CTPS1: variants seen among roughly 807,000 people sequenced by gnomAD.
CTPS1 encodes CTP synthase 1.
CTPS1 carries 25 observed loss-of-function variants against 80.5 expected under a neutral mutation model. The ratio of observed to expected loss-of-function variants is 0.31; its 90% CI spans 0.23 to 0.43. The LOEUF (loss-of-function observed/expected upper bound fraction) is 0.43, where lower values mean the gene tolerates loss of function less well. Ranked by LOEUF, CTPS1 falls within the 20% of genes least tolerant of loss-of-function variation. The pLI, the probability that CTPS1 is intolerant of heterozygous loss-of-function variation, is 1.00. For synonymous variants in CTPS1, 267 were observed against 252.5 expected (o/e 1.06, Z -0.54); for missense variants, 442 against 725.7 (o/e 0.61, Z 4.49).
intron 10 of CTPS1, 139 bp downstream of exon 10, chr1:41,001,256 T>A: frequency 1.7e-6 from 1 of 588,026 alleles, no homozygotes; most frequent in Non-Finnish European, 2.9e-6. Flanking sequence ...CTACATGCCA[T>A]CTGATTTAAT....
chr1:41,006,021 A>G, intron 12 of CTPS1, 30 bp from the exon 13 acceptor site: 3 of 1,580,850 alleles, frequency 1.9e-6, no homozygotes, highest in Non-Finnish European at 2.6e-6. Flanking sequence ...GTTTGTAACT[A>G]TTTTCATAAC....
intron 7 of CTPS1, among the ~76,000 whole-genome samples, chr1:40,993,531 CTTGCTATGG>C (rs1250457696): frequency 6.6e-6 from 1 of 151,916 alleles, no homozygotes; most frequent in East Asian, 1.9e-4. Flanking sequence ...GAGATGAGGT[CTTGCTATGG>C]TTGCCCAGGC....
intron 11 of CTPS1, 66 bp downstream of exon 11, chr1:41,002,320 G>C: frequency 7.6e-7 from 1 of 1,313,952 alleles, no homozygotes; most frequent in East Asian, 2.3e-5. Flanking sequence ...TGCCACGTGG[G>C]AGCCTATGAA....
At chr1:40,989,159 G>A (rs187907889) in intron 5 of CTPS1, among the ~76,000 whole-genome samples, 2 of 152,350 alleles carry the variant, frequency 1.3e-5, no homozygotes, top group East Asian at 3.9e-4. Flanking sequence ...AAGCTCAGGA[G>A]TGGGATGAGG....
chr1:41,007,525 A>G lies in CTPS1; in HGVS notation c.1373A>G (p.Gln458Arg). The change falls in exon 14 of 19, where the codon CAG (glutamine) becomes CGG (arginine). Residue 458 changes from glutamine to arginine, a missense_variant. Coordinates refer to ENST00000650070, the MANE Select transcript of CTPS1 (RefSeq NM_001905.4). This position sits in a 1 kb window ranked among gnomAD's most constrained non-coding sequence, Gnocchi z 4.4. ...CTGGGCAAGAGGAGAACCCTGTTCCAGACCAAGAACTCAGTCATGAGTAAG... is the reference window on the plus strand; with the variant it reads ...CTGGGCAAGAGGAGAACCCTGTTCCGGACCAAGAACTCAGTCATGAGTAAG... ...MRLGKRRTLF[Q>R]TKNSVMRKLY... The G allele has an allele frequency of 2.5e-6, 4 of 1,614,154 alleles. No homozygotes were observed. The highest frequency in any genetic ancestry group is 3.4e-6 in the Non-Finnish European group (4 of 1,180,028).
rs1643076917 is a variant in CTPS1 at position 41,007,984 on chromosome 1, A to G, written c.1393+439A>G. The stretch of plus-strand genomic sequence containing the variant: ...GGGTAGTTTTCGGAGGAAAATAGTT[A>G]AGAAAATGACTATTACACAGATTTC... On this transcript the variant is annotated intron_variant, in intron 14 of 18. Transcript: ENST00000650070. The surrounding 1 kb of genome is among the most constrained non-coding windows in gnomAD (Gnocchi z 4.4). Among the ~76,000 whole-genome samples the G allele has an allele frequency of 6.6e-6, 1 of 152,230 alleles. No individual in the cohort carries two copies.
In CTPS1 at chr1:40,991,749, T is replaced by C. The variant is rs763344393; in HGVS notation, c.640-16T>C. 1 of 1,599,232 alleles carries C rather than the reference T, an allele frequency of 6.3e-7. No individual in the cohort carries two copies. The highest frequency in any genetic ancestry group is 8.6e-7 in the Non-Finnish European group (1 of 1,166,560). ...TTTTTTCCTTCTGTCTAAGCCATCT[T>C]GTTCTCTACTGCTAGGTTGTATGCA... On this transcript the variant is annotated splice_polypyrimidine_tract_variant and intron_variant, in intron 6 of 18. Transcript: ENST00000650070.
At chr1:41,005,403 T>C (rs571297380) in intron 12 of CTPS1, among the ~76,000 whole-genome samples, 53 of 152,024 alleles carry the variant, frequency 3.5e-4, no homozygotes, top group South Asian at 4.2e-4. Flanking sequence ...GATCACGCCA[T>C]TGCACTCCAG....
chr1:40,996,164 C>T, intron 8 of CTPS1, 96 bp downstream of exon 8: 1 of 1,340,930 alleles, frequency 7.5e-7, no homozygotes. Context: ...TGTACTTTTG[C>T]ACTTCTGCCA....
At chr1:41,001,342 T>C (rs949857669) in intron 10 of CTPS1, among the ~76,000 whole-genome samples, 2 of 152,242 alleles carry the variant, frequency 1.3e-5, no homozygotes, top group African/African-American at 4.8e-5. Context: ...GCCATATGCA[T>C]CTATTGATGA....
At chr1:40,994,441 C>A (rs1642702458) in intron 7 of CTPS1, among the ~76,000 whole-genome samples, 1 of 152,148 alleles carries the variant, frequency 6.6e-6, no homozygotes, top group Non-Finnish European at 1.5e-5. Flanking sequence ...TATAGCTATT[C>A]ATAATTTTTA....
intron 12 of CTPS1, among the ~76,000 whole-genome samples, chr1:41,004,861 G>A (rs1642994098): frequency 6.6e-6 from 1 of 152,220 alleles, no homozygotes; most frequent in African/African-American, 2.4e-5. Context: ...GGGCATGGTG[G>A]TTCAGGCCTG....
In CTPS1 at chr1:41,007,511, G is replaced by T; in HGVS notation, c.1359G>T (p.Arg453Ser). ...GCGGAACCATGAGGCTGGGCAAGAG[G>T]AGAACCCTGTTCCAGACCAAGAACT... Reference protein sequence around the residue: ...QMGGTMRLGKRRTLFQTKNSV... With the variant: ...QMGGTMRLGKSRTLFQTKNSV... Residue 453 changes from arginine to serine, a missense_variant, in exon 14 of 19, where the codon AGG (arginine) becomes AGT (serine). Around this residue, in one of 4 missense-constraint regions of CTPS1, gnomAD observed 321 missense variants for 467.2 expected, o/e 0.69. Coordinates refer to ENST00000650070, the MANE Select transcript of CTPS1 (RefSeq NM_001905.4). This position sits in a 1 kb window ranked among gnomAD's most constrained non-coding sequence, Gnocchi z 4.4. 1 of 1,614,134 alleles carries T rather than the reference G, an allele frequency of 6.2e-7. No homozygotes were observed. Among genetic ancestry groups the T allele is most frequent in the East Asian group, 2.2e-5 (1 of 44,884 alleles).
At chr1:40,993,394 G>A (rs1642666995) in intron 7 of CTPS1, among the ~76,000 whole-genome samples, 1 of 151,926 alleles carries the variant, frequency 6.6e-6, no homozygotes, top group Admixed American at 6.6e-5. Flanking sequence ...GTGTCACCCT[G>A]ACTAGAGTGC....
rs1289940885 is a variant in CTPS1, at chr1:41,007,351, G to A, written c.1297-98G>A. 2.1e-6 allele frequency: 2 copies of A among 953,274 alleles called. No homozygotes were observed. Among genetic ancestry groups the A allele is most frequent in the Admixed American group, 4.2e-5 (2 of 47,918 alleles). The allele number at this position is 953,274 out of a possible 1,614,324, so 59.1% of individuals were successfully genotyped here. A position where few individuals can be genotyped will look rare whatever the true frequency, so the allele number is the denominator to read the frequency against. On this transcript the variant is annotated intron_variant, in intron 13 of 18. Transcript: ENST00000650070. This position sits in a 1 kb window ranked among gnomAD's most constrained non-coding sequence, Gnocchi z 4.4. ...CATAAGGAAAGCCTGGAGAATTAGAGCTTACTTACAAGCCTTTGCCACCCA... is the reference window on the plus strand; with the variant it reads ...CATAAGGAAAGCCTGGAGAATTAGAACTTACTTACAAGCCTTTGCCACCCA...
At chr1:40,986,338 G>A (rs886986616) in intron 3 of CTPS1, among the ~76,000 whole-genome samples, 1 of 152,204 alleles carries the variant, frequency 6.6e-6, no homozygotes, top group Non-Finnish European at 1.5e-5. Flanking sequence ...TGGTTGGTCC[G>A]GGAATGGAGG....
intron 1 of CTPS1, chr1:40,980,383 G>T (rs1431254671): frequency 6.6e-6 from 1 of 152,274 alleles, no homozygotes; most frequent in Non-Finnish European, 1.5e-5. Flanking sequence ...TGGGCCCCGC[G>T]GCTGGCCTTT....
chr1:40,980,371 C>T (rs1363021166), intron 1 of CTPS1: 1 of 152,272 alleles, frequency 6.6e-6, no homozygotes, highest in Non-Finnish European at 1.5e-5. Context: ...ACTCGCCGGC[C>T]CTGGGCCCCG....
chr1:40,991,076 TTA>T lies in CTPS1; in HGVS notation c.556-87_556-86del, dbSNP rs1432697262. The T allele has an allele frequency of 3.3e-6, 3 of 895,830 alleles. No individual in the cohort carries two copies. In the African/African-American group the frequency reaches 5.2e-5, roughly 15 times the overall value. 55.5% of individuals were successfully genotyped at this position (895,830 alleles called of 1,614,324 possible). On this transcript the variant is annotated intron_variant, in intron 5 of 18. Coordinates refer to ENST00000650070, the MANE Select transcript of CTPS1 (RefSeq NM_001905.4). ...ACAAGTGACCAAATGATCTATTTCC[TTA>T]TTAAAAGAGGTTCAAGGAAAAGTCA...
Sources: gnomAD v4.1 joint callset for allele counts (sites outside exome capture counted in the v4.1 genomes callset) on GRCh38, gnomAD v4.1.1 for gene constraint, gnomAD v4.1.1 regional missense constraint, Gnocchi (gnomAD v3.1) non-coding constraint, MANE v1.5 for transcripts, NCBI Gene and HGNC (gene_info 2026-07-23, HGNC 2026-07-21) for gene names.